The following HIVEP2 variants were observed in gnomAD, a reference collection of about 807,000 sequenced individuals.
The protein encoded by HIVEP2 is transcription factor HIVEP2.
In HIVEP2, 14 loss-of-function variants were observed where a neutral mutation model predicts 180.7. The observed-to-expected ratio is 0.08, with a 90% CI of 0.05 to 0.12. The LOEUF (loss-of-function observed/expected upper bound fraction) is 0.12, where lower values mean the gene tolerates loss of function less well. Ranked by LOEUF, HIVEP2 falls within the 10% of genes least tolerant of loss-of-function variation. The pLI, the probability that HIVEP2 is intolerant of heterozygous loss-of-function variation, is 1.00. For missense variants in HIVEP2, 2,579 were observed against 3,008.5 expected (o/e 0.86, Z 3.34); for synonymous variants, 1,184 against 1,136.4 (o/e 1.04, Z -0.84).
At chr6:142,908,199 G>C (rs569542828) in intron 1 of HIVEP2, among the ~76,000 whole-genome samples, 1 of 152,178 alleles carries the variant, frequency 6.6e-6, no homozygotes, top group South Asian at 2.1e-4. Context: ...CTATTTGAAT[G>C]GTGCCCTCAC....
intron 1 of HIVEP2, among the ~76,000 whole-genome samples, chr6:142,914,043 GCAGT>G (rs1207214434): frequency 6.6e-6 from 1 of 152,006 alleles, no homozygotes; most frequent in African/African-American, 2.4e-5. Context: ...CTTGGAGATT[GCAGT>G]CATAGTACTG....
At chr6:142,816,945 G>C (rs1334321376) in intron 2 of HIVEP2, among the ~76,000 whole-genome samples, 3 of 152,114 alleles carry the variant, frequency 2.0e-5, no homozygotes, top group Admixed American at 1.3e-4. Flanking sequence ...CTCTCAAAGT[G>C]GGGAGGAGTG....
chr6:142,752,361 T>G lies in HIVEP2; in HGVS notation c.*746A>C, dbSNP rs981208076. 3 of 152,618 alleles carry G rather than the reference T, an allele frequency of 2.0e-5. No individual in the cohort carries two copies. The highest frequency in any genetic ancestry group is 4.8e-5 in the African/African-American group (2 of 41,452). 9.5% of individuals were successfully genotyped at this position (152,618 alleles called of 1,614,324 possible). A position where few individuals can be genotyped will look rare whatever the true frequency, so the allele number is the denominator to read the frequency against. ...CTTTAATGCTTTACGGTACTATCATTTTAAAATCACAATCAGCACTTAAGT... is the reference window on the plus strand; with the variant it reads ...CTTTAATGCTTTACGGTACTATCATGTTAAAATCACAATCAGCACTTAAGT... On this transcript the variant is annotated 3_prime_UTR_variant, in exon 10 of 10. Transcript: ENST00000367603.
chr6:142,764,109 C>T (rs1232161932), intron 7 of HIVEP2, among the ~76,000 whole-genome samples: 1 of 151,974 alleles, frequency 6.6e-6, no homozygotes, highest in Non-Finnish European at 1.5e-5. Flanking sequence ...TCTGAGACTA[C>T]CAGACTTATG....
At position 142,763,378 on chromosome 6, in the gene HIVEP2, G is replaced by A. The variant is rs958937967; in HGVS notation, c.5518+1421C>T. 2.3e-4 allele frequency among the ~76,000 whole-genome samples: 35 copies of A among 152,170 alleles called. 1 individual carries two copies. The highest frequency in any genetic ancestry group is 1.7e-3 in the Admixed American group (26 of 15,272). ...GGTTTGGACAACAGGCATTTCAGTC[G>A]GAGGTGAAAACTGGCAGGGTTTCCC... On this transcript the variant is annotated intron_variant, in intron 7 of 9. Transcript: ENST00000367603.
At chr6:142,918,843 T>C (rs949987040) in intron 1 of HIVEP2, among the ~76,000 whole-genome samples, 1 of 152,202 alleles carries the variant, frequency 6.6e-6, no homozygotes, top group Non-Finnish European at 1.5e-5. Context: ...AGTGATGTCA[T>C]AAAAGCCATG....
intron 1 of HIVEP2, among the ~76,000 whole-genome samples, chr6:142,941,650 C>T (rs1778183093): frequency 6.6e-6 from 1 of 152,186 alleles, no homozygotes; most frequent in African/African-American, 2.4e-5. Context: ...CAAATCCATA[C>T]ACTCTGGATG....
At chr6:142,783,093 C>T (rs1582854409) in intron 3 of HIVEP2, among the ~76,000 whole-genome samples, 2 of 152,100 alleles carry the variant, frequency 1.3e-5, no homozygotes, top group East Asian at 1.9e-4. Context: ...CGCCTGTAAT[C>T]CCAGCACTTT....
chr6:142,931,995 T>C (rs1343724204), intron 1 of HIVEP2, among the ~76,000 whole-genome samples: 1 of 152,208 alleles, frequency 6.6e-6, no homozygotes, highest in Non-Finnish European at 1.5e-5. Flanking sequence ...CATATTGGTG[T>C]GTGTGCCCAG....
At chr6:142,865,033 G>A (rs1472426047) in intron 1 of HIVEP2, among the ~76,000 whole-genome samples, 1 of 152,146 alleles carries the variant, frequency 6.6e-6, no homozygotes, top group Non-Finnish European at 1.5e-5. Context: ...TCCAGCAAGA[G>A]ATTTATTACA....
chr6:142,759,694 A>C (rs1775171172), intron 9 of HIVEP2, 78 bp downstream of exon 9: 1 of 1,127,830 alleles, frequency 8.9e-7, no homozygotes. Context: ...TGTTCTACTA[A>C]ACTTCACACC....
intron 1 of HIVEP2, among the ~76,000 whole-genome samples, chr6:142,935,264 C>A (rs972537915): frequency 3.9e-5 from 6 of 152,160 alleles, no homozygotes; most frequent in African/African-American, 1.4e-4. Context: ...AGTGCACAGA[C>A]AGGCTGGGTG....
chr6:142,859,834 C>CAAAAAAAAAAAAAAAAAA (rs56853043), intron 1 of HIVEP2, among the ~76,000 whole-genome samples: 1 of 73,612 alleles, frequency 1.4e-5, no homozygotes, highest in Non-Finnish European at 2.5e-5. Context: ...AACTCCGTCT[C>CAAAAAAAAAAAAAAAAAA]AAAAAAAAAA....
intron 2 of HIVEP2, among the ~76,000 whole-genome samples, chr6:142,818,724 GAAAGAAAGA>G (rs1398184965): frequency 1.5e-3 from 76 of 49,208 alleles, no homozygotes; most frequent in Middle Eastern, 0.02. Context: ...AGAAAGAAAA[GAAAGAAAGA>G]AAAGAAAGAA....
intron 3 of HIVEP2, among the ~76,000 whole-genome samples, chr6:142,777,115 C>T (rs74923837): frequency 7.9e-5 from 12 of 152,124 alleles, no homozygotes; most frequent in East Asian, 1.9e-4. Context: ...GCAATGTGTC[C>T]GTTTATCAAA....
At chr6:142,779,760 ACCT>A (rs1775798998) in intron 3 of HIVEP2, among the ~76,000 whole-genome samples, 2 of 152,216 alleles carry the variant, frequency 1.3e-5, no homozygotes, top group African/African-American at 4.8e-5. Context: ...ATGAGGTAAT[ACCT>A]TTATAAATCA....
At chr6:142,842,156 C>G (rs887893667) in intron 1 of HIVEP2, among the ~76,000 whole-genome samples, 1 of 152,102 alleles carries the variant, frequency 6.6e-6, no homozygotes, top group Non-Finnish European at 1.5e-5. Flanking sequence ...CTAGCTAGAG[C>G]CCTCCTCCTT....
rs1269307042 is a variant in HIVEP2 at position 142,760,534 on chromosome 6, T to C, written c.5754A>G (p.Glu1918=). The change falls in exon 9 of 10, where the codon GAA becomes GAG. Residue 1918 remains glutamate, a synonymous_variant. Transcript: ENST00000367603. ...GDDNDDDDED[E]DDFDDQGDLT... ...AATCTCCCTGGTCGTCAAAGTCATC[T>C]TCATCTTCATCATCATCATCATTAT... 2 of 1,613,938 alleles carry C rather than the reference T, an allele frequency of 1.2e-6. No homozygotes were observed. The highest frequency in any genetic ancestry group is 1.7e-6 in the Non-Finnish European group (2 of 1,179,976).
Position 142,753,465 on chromosome 6 carries a change from G to T in HIVEP2, c.6983C>A (p.Thr2328Asn), listed in dbSNP as rs1394979504. 1.2e-6 allele frequency: 2 copies of T among 1,614,014 alleles called. No homozygotes were observed. The highest frequency in any genetic ancestry group is 1.7e-5 in the Admixed American group (1 of 60,028). Residue 2328 changes from threonine to asparagine, a missense_variant, in exon 10 of 10, where the codon ACT becomes AAT. By Grantham distance (65) the Thr-to-Asn change is moderately conservative. Transcript: ENST00000367603. ...GAGAGAGGCAATGGCTTTTGTACAA[G>T]TCTGTATATTTTCCTCCTGTTCCCG... ...TEREQEENIQ[T>N]CTKAIASLRI...
Sources: gnomAD v4.1 joint callset for allele counts (sites outside exome capture counted in the v4.1 genomes callset) on GRCh38, gnomAD v4.1.1 for gene constraint, MANE v1.5 for transcripts, NCBI Gene and HGNC (gene_info 2026-07-23, HGNC 2026-07-21) for gene names.